KIT: variants seen among roughly 807,000 people sequenced by gnomAD.
The protein encoded by KIT is KIT proto-oncogene, receptor tyrosine kinase, also known as mast/stem cell growth factor receptor Kit.
In KIT, 16 loss-of-function variants were observed where a neutral mutation model predicts 105.7. The observed-to-expected ratio is 0.15, with a 90% confidence interval of 0.10 to 0.23. The LOEUF is 0.23. Ranked by LOEUF, KIT falls within the 10% of genes least tolerant of loss-of-function variation. The pLI, the probability that KIT is intolerant of heterozygous loss-of-function variation, is 1.00. For missense variants in KIT, 858 were observed against 1,213.8 expected (o/e 0.71, Z 4.36); for synonymous variants, 438 against 441.1 (o/e 0.99, Z 0.09).
At chr4:54,733,690 T>G (rs1433646958) in intron 17 of KIT, among the ~76,000 whole-genome samples, 1 of 152,182 alleles carries the variant, frequency 6.6e-6, no homozygotes, top group African/African-American at 2.4e-5. Flanking sequence ...TTTTTCAAAG[T>G]GCTGTATTTC....
chr4:54,678,342 T>C (rs371631958), intron 1 of KIT, among the ~76,000 whole-genome samples: 5,219 of 93,602 alleles, frequency 0.056, 261 homozygotes, highest in Non-Finnish European at 0.067. Context: ...CCTTCCTTCC[T>C]TCCTTCCTTC....
At chr4:54,729,522 G>T (rs1424798363) in intron 14 of KIT, 37 bp downstream of exon 14, 3 of 1,603,616 alleles carry the variant, frequency 1.9e-6, no homozygotes, top group Non-Finnish European at 2.6e-6. Flanking sequence ...GCTGTTGACA[G>T]GCAGTTCATG....
intron 2 of KIT, among the ~76,000 whole-genome samples, chr4:54,697,358 G>A (rs1050244268): frequency 7.9e-5 from 12 of 152,190 alleles, no homozygotes; most frequent in African/African-American, 2.9e-4. Flanking sequence ...AGTTTCAGAT[G>A]GAAAGGACAG....
chr4:54,697,701 C>T (rs983008110), intron 2 of KIT, among the ~76,000 whole-genome samples: 1 of 152,108 alleles, frequency 6.6e-6, no homozygotes, highest in Non-Finnish European at 1.5e-5. Context: ...TGAGACTCAC[C>T]TATCATGGGT....
chr4:54,682,750 G>GTTTT (rs139702771), intron 1 of KIT, among the ~76,000 whole-genome samples: 14 of 134,096 alleles, frequency 1.0e-4, no homozygotes, highest in African/African-American at 3.2e-4. Flanking sequence ...TGTCTTGACC[G>GTTTT]TTTTTTTTTT....
Position 54,729,315 on chromosome 4 carries a change from C to G in KIT, c.1991-20C>G. The stretch of plus-strand genomic sequence containing the variant: ...CTATATATCTCACCTTCTTTCTAAC[C>G]TTTTCTTATGTGCTTTTAGGGCCCA... On this transcript the variant is annotated intron_variant, in intron 13 of 20. Transcript: ENST00000288135. 3 of 1,612,612 alleles carry G rather than the reference C, an allele frequency of 1.9e-6. No homozygotes were observed. Among genetic ancestry groups the G allele is most frequent in the Non-Finnish European group, 2.5e-6 (3 of 1,179,272 alleles).
intron 7 of KIT, among the ~76,000 whole-genome samples, chr4:54,720,527 TAAAC>T (rs1469798488): frequency 6.6e-6 from 1 of 152,244 alleles, no homozygotes; most frequent in African/African-American, 2.4e-5. Context: ...ATTTTTTAAT[TAAAC>T]AATGTTTTAT....
intron 1 of KIT, among the ~76,000 whole-genome samples, chr4:54,687,299 A>G (rs777731727): frequency 7.2e-5 from 11 of 151,992 alleles, no homozygotes; most frequent in Admixed American, 1.3e-4. Flanking sequence ...TTAGCCGGGT[A>G]TGGTTATGTG....
chr4:54,731,566 G>C lies in KIT; in HGVS notation c.2233+147G>C. ...CAGTGCCAATGGTCAATGGCAGTTA[G>C]GGTTGCAAGTGGGTGTTTGGGGTCA... On this transcript the variant is annotated intron_variant, in intron 15 of 20. Coordinates refer to ENST00000288135, the MANE Select transcript of KIT (RefSeq NM_000222.3). 3 of 742,550 alleles carry C rather than the reference G, an allele frequency of 4.0e-6. No individual in the cohort carries two copies. The South Asian group carries it at 4.5e-5, about 11-fold the overall frequency. 46.0% of individuals were successfully genotyped at this position (742,550 alleles called of 1,614,324 possible). A position where few individuals can be genotyped will look rare whatever the true frequency, so the allele number is the denominator to read the frequency against.
chr4:54,662,284 C>T (rs1359967564), intron 1 of KIT, among the ~76,000 whole-genome samples: 1 of 152,170 alleles, frequency 6.6e-6, no homozygotes, highest in Non-Finnish European at 1.5e-5. Context: ...CTGATGGCTT[C>T]ATGACTGACA....
chr4:54,696,684 C>T (rs1036581206), intron 2 of KIT, among the ~76,000 whole-genome samples: 3 of 152,210 alleles, frequency 2.0e-5, no homozygotes, highest in Admixed American at 6.5e-5. Flanking sequence ...GTCTTCCTTA[C>T]GTAATTGTTA....
At chr4:54,687,780 C>G (rs1233020817) in intron 1 of KIT, among the ~76,000 whole-genome samples, 1 of 152,124 alleles carries the variant, frequency 6.6e-6, no homozygotes, top group East Asian at 1.9e-4. Context: ...CGTGCAAACA[C>G]ATATACAAAG....
chr4:54,660,910 C>G (rs2109532759), intron 1 of KIT, among the ~76,000 whole-genome samples: 1 of 152,294 alleles, frequency 6.6e-6, no homozygotes, highest in Admixed American at 6.5e-5. Context: ...TGGCCAATGT[C>G]ACTACCTTCC....
chr4:54,667,910 C>A (rs1717818502), intron 1 of KIT, among the ~76,000 whole-genome samples: 1 of 152,172 alleles, frequency 6.6e-6, no homozygotes, highest in Admixed American at 6.5e-5. Context: ...GCTAATTCTG[C>A]TCCCTTCTCC....
rs55755457 is a variant in KIT, at chr4:54,695,545, C to T, written c.101C>T (p.Pro34Leu). Residue 34 changes from proline (P) to leucine (L), a missense_variant, in exon 2 of 21, where the codon CCG becomes CTG. This residue lies in a region of KIT where 401 missense variants were observed against 601.0 expected (regional missense o/e 0.67). Coordinates refer to ENST00000288135, the MANE Select transcript of KIT (RefSeq NM_000222.3). ...SSQPSVSPGEPSPPSIHPGKS... is the reference protein window; with the variant it reads ...SSQPSVSPGELSPPSIHPGKS... ...CAACCATCTGTGAGTCCAGGGGAAC[C>T]GTCTCCACCATCCATCCATCCAGGA... The T allele has an allele frequency of 9.7e-5, 156 of 1,614,048 alleles. No homozygotes were observed. Among genetic ancestry groups the T allele is most frequent in the Middle Eastern group, 1.6e-4 (1 of 6,084 alleles).
chr4:54,688,351 GAA>G (rs1412044603), intron 1 of KIT, among the ~76,000 whole-genome samples: 2 of 152,100 alleles, frequency 1.3e-5, no homozygotes, highest in Non-Finnish European at 2.9e-5. Context: ...TATGTGAACC[GAA>G]GAGTAGTTGA....
intron 4 of KIT, among the ~76,000 whole-genome samples, chr4:54,703,073 C>CA (rs777476827): frequency 1.3e-5 from 2 of 152,022 alleles, no homozygotes; most frequent in African/African-American, 2.4e-5. Context: ...TGTCTGCAGA[C>CA]AAAAAATGAG....
At chr4:54,671,298 G>A (rs1718092621) in intron 1 of KIT, among the ~76,000 whole-genome samples, 1 of 152,216 alleles carries the variant, frequency 6.6e-6, no homozygotes. Flanking sequence ...TGCTGCAGAT[G>A]GTATTGTTCT....
At chr4:54,687,804 G>C (rs915204011) in intron 1 of KIT, among the ~76,000 whole-genome samples, 1 of 152,036 alleles carries the variant, frequency 6.6e-6, no homozygotes, top group Non-Finnish European at 1.5e-5. Flanking sequence ...TCCTGGCTCA[G>C]CTCTCCCCTA....
Sources: gnomAD v4.1 joint callset for allele counts (sites outside exome capture counted in the v4.1 genomes callset) on GRCh38, gnomAD v4.1.1 for gene constraint, gnomAD v4.1.1 regional missense constraint, MANE v1.5 for transcripts, NCBI Gene and HGNC (gene_info 2026-07-23, HGNC 2026-07-21) for gene names.